FOXP2: variants seen among roughly 807,000 people sequenced by gnomAD.
FOXP2 encodes the protein forkhead box P2, also known as forkhead box protein P2.
Under a neutral mutation model 115.8 loss-of-function variants are expected in FOXP2, and 12 were observed. The ratio of observed to expected loss-of-function variants is 0.10; its 90% CI spans 0.07 to 0.17. The LOEUF is 0.17. Among genes scored for constraint, FOXP2 ranks in the 10% least tolerant of loss-of-function variants. FOXP2 has a pLI of 1.00. For synonymous variants in FOXP2, 328 were observed against 297.7 expected (o/e 1.10, Z -1.05); for missense variants, 629 against 843.5 (o/e 0.75, Z 3.15).
intron 3 of FOXP2, among the ~76,000 whole-genome samples, chr7:114,567,645 T>TTTCCTTGTGA (rs1246127223): frequency 6.6e-6 from 1 of 152,070 alleles, no homozygotes; most frequent in Non-Finnish European, 1.5e-5. Flanking sequence ...TCACATTGTG[T>TTTCCTTGTGA]TTCCTTGTGA....
chr7:114,322,724 C>T (rs932397302), intron 2 of FOXP2, among the ~76,000 whole-genome samples: 2 of 152,100 alleles, frequency 1.3e-5, no homozygotes, highest in Non-Finnish European at 1.5e-5. Context: ...AAATGTGGTA[C>T]TTTATCTCAT....
At chr7:114,536,241 A>G (rs1436850284) in intron 3 of FOXP2, among the ~76,000 whole-genome samples, 1 of 151,538 alleles carries the variant, frequency 6.6e-6, no homozygotes, top group Non-Finnish European at 1.5e-5. Context: ...AAAAAACACT[A>G]TATATTTTCC....
intron 1 of FOXP2, among the ~76,000 whole-genome samples, chr7:114,173,330 T>A (rs1793197958): frequency 6.6e-6 from 1 of 151,900 alleles, no homozygotes; most frequent in Non-Finnish European, 1.5e-5. Flanking sequence ...ATATGGGGTG[T>A]TTTCTTGTCT....
chr7:114,349,977 C>A (rs1185232798), intron 2 of FOXP2, among the ~76,000 whole-genome samples: 1 of 151,960 alleles, frequency 6.6e-6, no homozygotes, highest in African/African-American at 2.4e-5. Flanking sequence ...TTACAGAATT[C>A]TGAACTAATA....
At chr7:114,356,429 G>A (rs145310297) in intron 2 of FOXP2, among the ~76,000 whole-genome samples, 18 of 152,204 alleles carry the variant, frequency 1.2e-4, no homozygotes, top group African/African-American at 4.1e-4. Context: ...CGGTCTCTCC[G>A]TGGCTAAAAC....
At chr7:114,687,190 C>A (rs368411972) in intron 16 of FOXP2, among the ~76,000 whole-genome samples, 2 of 152,160 alleles carry the variant, frequency 1.3e-5, no homozygotes, top group East Asian at 1.9e-4. Flanking sequence ...TTGATGAACA[C>A]CCAAGCAAAG....
chr7:114,152,706 C>A (rs1295485567), intron 1 of FOXP2, among the ~76,000 whole-genome samples: 1 of 152,010 alleles, frequency 6.6e-6, no homozygotes. Context: ...TGGAAGACTG[C>A]CCGTGATTTG....
chr7:114,355,212 T>G (rs1791592316), intron 2 of FOXP2, among the ~76,000 whole-genome samples: 1 of 152,134 alleles, frequency 6.6e-6, no homozygotes, highest in South Asian at 2.1e-4. Context: ...GAACCGAGCA[T>G]CTAGCTTGAC....
intron 4 of FOXP2, chr7:114,629,587 T>C (rs774184254): frequency 6.5e-7 from 1 of 1,544,178 alleles, no homozygotes; most frequent in East Asian, 2.4e-5. Context: ...TACCCTTTTG[T>C]TTAGGATTTT....
At position 114,610,648 on chromosome 7, in the gene FOXP2, T is replaced by C. The variant is rs909040846; in HGVS notation, c.259-17892T>C. ...TTCATTGAAGATGAAAGACGCCCAGTAACTGCTAAGAGGTTTTTTCAATTT... is the reference window on the plus strand; with the variant it reads ...TTCATTGAAGATGAAAGACGCCCAGCAACTGCTAAGAGGTTTTTTCAATTT... On this transcript the variant is annotated intron_variant, in intron 3 of 16. Coordinates refer to ENST00000350908, the MANE Select transcript of FOXP2 (RefSeq NM_014491.4). Among the ~76,000 whole-genome samples, 3 of 152,064 alleles carry C rather than the reference T, an allele frequency of 2.0e-5. No homozygotes were observed. In the East Asian group the frequency reaches 5.8e-4, roughly 29 times the overall value.
At chr7:114,687,826 A>G (rs1808444788) in intron 16 of FOXP2, among the ~76,000 whole-genome samples, 1 of 152,156 alleles carries the variant, frequency 6.6e-6, no homozygotes, top group Non-Finnish European at 1.5e-5. Flanking sequence ...TGAATTAGTT[A>G]TTTAAGGATA....
intron 2 of FOXP2, among the ~76,000 whole-genome samples, chr7:114,485,513 G>A (rs1796735353): frequency 8.0e-6 from 1 of 125,764 alleles, no homozygotes; most frequent in Non-Finnish European, 1.8e-5. Flanking sequence ...GAATATTTAG[G>A]TGAGGTATTT....
intron 1 of FOXP2, among the ~76,000 whole-genome samples, chr7:114,268,775 T>C (rs1401264239): frequency 6.6e-6 from 1 of 152,030 alleles, no homozygotes; most frequent in East Asian, 1.9e-4. Context: ...TCCTCTGCCA[T>C]AGATTAGTAA....
chr7:114,097,168 C>T (rs947206816), intron 1 of FOXP2, among the ~76,000 whole-genome samples: 2 of 152,102 alleles, frequency 1.3e-5, no homozygotes, highest in Non-Finnish European at 2.9e-5. Flanking sequence ...AAATTCACCA[C>T]GTTTTAGTGT....
chr7:114,373,003 TTTTTTTTGAGTTGG>T (rs1466063390), intron 2 of FOXP2, among the ~76,000 whole-genome samples: 1 of 152,134 alleles, frequency 6.6e-6, no homozygotes, highest in Non-Finnish European at 1.5e-5. Context: ...AAACTTCTTT[TTTTTTTTGAGTTGG>T]AGTCTTGCTG....
chr7:114,689,714 T>G, intron 16 of FOXP2, 68 bp from the exon 17 acceptor site: 12 of 1,574,096 alleles, frequency 7.6e-6, no homozygotes, highest in Non-Finnish European at 1.0e-5. Context: ...ACCTCTTCAC[T>G]GCAAAGTTGG....
At chr7:114,112,890 T>G (rs998849428) in intron 1 of FOXP2, among the ~76,000 whole-genome samples, 1 of 152,150 alleles carries the variant, frequency 6.6e-6, no homozygotes, top group Non-Finnish European at 1.5e-5. Flanking sequence ...CATGAGTTAC[T>G]CATGTCTATA....
intron 1 of FOXP2, among the ~76,000 whole-genome samples, chr7:114,204,717 G>T (rs562408562): frequency 6.6e-6 from 1 of 152,224 alleles, no homozygotes; most frequent in South Asian, 2.1e-4. Flanking sequence ...ACAGTTTTTT[G>T]AGAGTATTTG....
intron 1 of FOXP2, among the ~76,000 whole-genome samples, chr7:114,187,874 C>T (rs1221206329): frequency 6.6e-6 from 1 of 152,122 alleles, no homozygotes; most frequent in Non-Finnish European, 1.5e-5. Flanking sequence ...GCAGCATCAT[C>T]ACATGGCAGA....
Sources: gnomAD v4.1 joint callset for allele counts (sites outside exome capture counted in the v4.1 genomes callset) on GRCh38, gnomAD v4.1.1 for gene constraint, MANE v1.5 for transcripts, NCBI Gene and HGNC (gene_info 2026-07-23, HGNC 2026-07-21) for gene names.